Variants in THAP2 observed in about 807,000 individuals in gnomAD.
THAP2 encodes THAP domain-containing protein 2.
Under a neutral mutation model 18.8 loss-of-function variants are expected in THAP2, and 16 were observed. That is an observed-to-expected ratio of 0.85 (90% CI 0.58 to 1.29). The LOEUF is 1.29. Among genes scored for constraint, THAP2 ranks in the 50% most tolerant of loss-of-function variants. The pLI, the probability that THAP2 is intolerant of heterozygous loss-of-function variation, is 0.00. For missense variants in THAP2, 251 were observed against 265.3 expected (o/e 0.95, Z 0.38); for synonymous variants, 80 against 89.2 (o/e 0.90, Z 0.58).
At position 71,664,405 on chromosome 12, in the gene THAP2, C is replaced by T. The variant is rs957679367; in HGVS notation, c.-105C>T. ...CTCCGCTCTCACGACTAAGCTCTCA[C>T]GATTAAGGCACGCCTGCCTCGATTG... On this transcript the variant is annotated 5_prime_UTR_variant, in exon 1 of 3. In the 5' UTR this introduces an upstream ATG that the reference lacks. Transcript: ENST00000308086. 2.8e-6 allele frequency: 4 copies of T among 1,429,032 alleles called. No individual in the cohort carries two copies. Among genetic ancestry groups the T allele is most frequent in the Non-Finnish European group, 3.9e-6 (4 of 1,015,746 alleles). The allele number at this position is 1,429,032 out of a possible 1,614,324, so 88.5% of individuals were successfully genotyped here.
intron 2 of THAP2, 50 bp downstream of exon 2, chr12:71,674,448 C>T (rs1881492190): frequency 6.6e-7 from 1 of 1,504,490 alleles, no homozygotes. Flanking sequence ...GAACTCATTC[C>T]TTTTTGTTTA....
intron 2 of THAP2, among the ~76,000 whole-genome samples, chr12:71,676,287 T>C (rs576784879): frequency 1.3e-3 from 191 of 152,148 alleles, no homozygotes; most frequent in African/African-American, 4.5e-3. Flanking sequence ...TTTATCAAAT[T>C]GAGAAAAGGG....
chr12:71,670,947 A>G (rs1431786821), intron 1 of THAP2, among the ~76,000 whole-genome samples: 1 of 151,616 alleles, frequency 6.6e-6, no homozygotes, highest in African/African-American at 2.4e-5. Flanking sequence ...AAAAAAAAAA[A>G]AAAAAAAATT....
chr12:71,676,096 T>A (rs188136633), intron 2 of THAP2, among the ~76,000 whole-genome samples: 1 of 152,090 alleles, frequency 6.6e-6, no homozygotes, highest in African/African-American at 2.4e-5. Context: ...ACCATTTGAA[T>A]GAAAGAGATA....
chr12:71,664,634 TCG>T, intron 1 of THAP2, 54 bp downstream of exon 1: 2 of 1,598,592 alleles, frequency 1.3e-6, no homozygotes, highest in Middle Eastern at 3.3e-4. Context: ...ATTGTGGCTA[TCG>T]CTTGTGTGGA....
At chr12:71,671,651 A>G (rs914683956) in intron 1 of THAP2, among the ~76,000 whole-genome samples, 2 of 152,110 alleles carry the variant, frequency 1.3e-5, no homozygotes, top group South Asian at 4.1e-4. Context: ...TTCTGTAACA[A>G]TTTTCAATGG....
intron 1 of THAP2, among the ~76,000 whole-genome samples, chr12:71,670,057 G>A (rs756449474): frequency 1.2e-4 from 19 of 152,176 alleles, no homozygotes; most frequent in African/African-American, 3.4e-4. Flanking sequence ...ATCAGGGTAC[G>A]TATAGGGTTG....
At chr12:71,665,213 C>A in intron 1 of THAP2, 1 of 453,986 alleles carries the variant, frequency 2.2e-6, no homozygotes, top group Non-Finnish European at 3.9e-6. Context: ...GCACTTTGAA[C>A]AATGCCTGGA....
At chr12:71,670,038 T>C (rs1405202127) in intron 1 of THAP2, among the ~76,000 whole-genome samples, 1 of 152,044 alleles carries the variant, frequency 6.6e-6, no homozygotes, top group African/African-American at 2.4e-5. Flanking sequence ...CAGATGTTAG[T>C]ATCTTCAGAT....
intron 1 of THAP2, chr12:71,664,927 C>T (rs774288038): frequency 1.9e-4 from 132 of 702,222 alleles, no homozygotes; most frequent in Non-Finnish European, 2.7e-4. Context: ...AATCAGCAAT[C>T]ACCGTAAAAG....
chr12:71,674,145 T>G (rs1881484292), intron 1 of THAP2, 58 bp from the exon 2 acceptor site: 2 of 1,471,944 alleles, frequency 1.4e-6, no homozygotes, highest in Admixed American at 2.5e-5. Flanking sequence ...TTTTAATCAT[T>G]TAGGTGCAGC....
intron 1 of THAP2, among the ~76,000 whole-genome samples, chr12:71,671,137 A>T (rs1022829744): frequency 5.3e-5 from 8 of 152,092 alleles, no homozygotes; most frequent in African/African-American, 1.9e-4. Flanking sequence ...AGGCACGCTC[A>T]GTCTAACTTT....
intron 1 of THAP2, among the ~76,000 whole-genome samples, chr12:71,666,726 C>G (rs1208741503): frequency 6.6e-6 from 1 of 151,738 alleles, no homozygotes; most frequent in Non-Finnish European, 1.5e-5. Flanking sequence ...CATTAGTAGA[C>G]TTTTTTTTCT....
chr12:71,669,504 C>A (rs1387626897), intron 1 of THAP2, among the ~76,000 whole-genome samples: 5 of 152,100 alleles, frequency 3.3e-5, no homozygotes, highest in Non-Finnish European at 7.4e-5. Context: ...TATTCTGAGT[C>A]TCTATTGAGG....
At chr12:71,666,680 A>G (rs1881348217) in intron 1 of THAP2, among the ~76,000 whole-genome samples, 1 of 152,150 alleles carries the variant, frequency 6.6e-6, no homozygotes, top group Admixed American at 6.5e-5. Flanking sequence ...GTAAATACAA[A>G]CAAGGATTAA....
intron 1 of THAP2, among the ~76,000 whole-genome samples, chr12:71,672,256 G>T (rs2137579989): frequency 6.6e-6 from 1 of 152,106 alleles, no homozygotes; most frequent in African/African-American, 2.4e-5. Flanking sequence ...ATGGCATCTG[G>T]GAACATCTGC....
At position 71,674,278 on chromosome 12, in the gene THAP2, C is replaced by T; in HGVS notation, c.147C>T (p.His49=). Residue 49 remains histidine, a synonymous_variant, in exon 2 of 3, where the codon CAC becomes CAT. Transcript: ENST00000308086. The part of the protein sequence containing the change: ...VRRKNFVPGK[H]TFLCSKHFEA... ...GCAAAAATTTTGTGCCAGGAAAACACACTTTTCTTTGTTCAAAGCACTTTG... is the reference window on the plus strand; with the variant it reads ...GCAAAAATTTTGTGCCAGGAAAACATACTTTTCTTTGTTCAAAGCACTTTG... The T allele has an allele frequency of 6.2e-7, 1 of 1,612,730 alleles. No homozygotes were observed. The highest frequency in any genetic ancestry group is 8.5e-7 in the Non-Finnish European group (1 of 1,179,334).
intron 1 of THAP2, among the ~76,000 whole-genome samples, chr12:71,672,581 C>A (rs1291048557): frequency 2.6e-5 from 4 of 151,730 alleles, no homozygotes; most frequent in South Asian, 2.1e-4. Flanking sequence ...AGATATTTCA[C>A]AAAAAGTGCA....
chr12:71,665,088 A>C (rs1176111313), intron 1 of THAP2: 5 of 654,910 alleles, frequency 7.6e-6, no homozygotes, highest in African/African-American at 7.2e-5. Flanking sequence ...TAAAGTGCAA[A>C]AGATAACCTT....
Sources: allele counts gnomAD v4.1 joint callset (sites outside exome capture counted in the v4.1 genomes callset), GRCh38; gene constraint gnomAD v4.1.1; transcripts MANE v1.5; gene names NCBI Gene and HGNC (gene_info 2026-07-23, HGNC 2026-07-21).